FRMPD1: variants seen among roughly 807,000 people sequenced by gnomAD.
The protein encoded by FRMPD1 is FERM and PDZ domain-containing protein 1.
FRMPD1 carries 76 observed loss-of-function variants against 117.8 expected under a neutral mutation model. That is an observed-to-expected ratio of 0.65 (90% CI 0.54 to 0.78). The LOEUF (loss-of-function observed/expected upper bound fraction) is 0.78. FRMPD1 is among the 30% of genes least tolerant of loss of function. The probability of loss-of-function intolerance (pLI) is 0.00; values close to 1 mark genes in which losing one functional copy is unlikely to be tolerated. For missense variants in FRMPD1, 1,786 were observed against 1,964.5 expected (o/e 0.91, Z 1.72); for synonymous variants, 783 against 770.4 (o/e 1.02, Z -0.27).
At chr9:37,652,940 T>G (rs544480179) in intron 1 of FRMPD1, among the ~76,000 whole-genome samples, 1 of 151,792 alleles carries the variant, frequency 6.6e-6, no homozygotes, top group South Asian at 2.1e-4. Flanking sequence ...CAATGGAAGG[T>G]GGAGGAAGAA....
At chr9:37,682,065 C>T in intron 1 of FRMPD1, among the ~76,000 whole-genome samples, 1 of 152,082 alleles carries the variant, frequency 6.6e-6, no homozygotes, top group East Asian at 1.9e-4. Context: ...TTGAATAAGT[C>T]CTAGAAAGTG....
intron 15 of FRMPD1, among the ~76,000 whole-genome samples, chr9:37,743,799 G>A (rs775454881): frequency 1.3e-5 from 2 of 151,618 alleles, no homozygotes; most frequent in African/African-American, 2.4e-5. Flanking sequence ...TTGGGAGGCT[G>A]AGGTGGGAGG....
chr9:37,677,979 C>T (rs533773635), intron 1 of FRMPD1, among the ~76,000 whole-genome samples: 1 of 152,244 alleles, frequency 6.6e-6, no homozygotes, highest in East Asian at 1.9e-4. Flanking sequence ...TGTTGATGAT[C>T]ATTGAGTGTT....
the FRMPD1 span, among the ~76,000 whole-genome samples, chr9:37,633,272 C>T: frequency 6.6e-6 from 1 of 152,074 alleles, no homozygotes; most frequent in Non-Finnish European, 1.5e-5. Context: ...AACTCTTGAT[C>T]TCAAGTGATT....
At chr9:37,686,371 A>AG (rs1489271903) in intron 1 of FRMPD1, among the ~76,000 whole-genome samples, 1 of 152,250 alleles carries the variant, frequency 6.6e-6, no homozygotes, top group Non-Finnish European at 1.5e-5. Flanking sequence ...TGGGTCCAAC[A>AG]GGGAATGACA....
intron 2 of FRMPD1, among the ~76,000 whole-genome samples, chr9:37,707,147 C>CT (rs1822737400): frequency 6.6e-6 from 1 of 152,184 alleles, no homozygotes; most frequent in African/African-American, 2.4e-5. Flanking sequence ...GGTGAAACTG[C>CT]TCTCCCCCTT....
At chr9:37,653,361 G>A (rs1226151954) in intron 1 of FRMPD1, among the ~76,000 whole-genome samples, 1 of 152,226 alleles carries the variant, frequency 6.6e-6, no homozygotes, top group East Asian at 1.9e-4. Context: ...CACCATTGGA[G>A]TAAATAGTGC....
chr9:37,684,655 GGAGAT>G (rs1194661769), intron 1 of FRMPD1, among the ~76,000 whole-genome samples: 2 of 152,170 alleles, frequency 1.3e-5, no homozygotes, highest in African/African-American at 4.8e-5. Context: ...AGAAAGGAGA[GGAGAT>G]GAGAGATTAA....
chr9:37,727,153 G>T (rs1437210254), intron 7 of FRMPD1, among the ~76,000 whole-genome samples: 2 of 152,122 alleles, frequency 1.3e-5, no homozygotes, highest in Non-Finnish European at 2.9e-5. Context: ...TACCTTGAGA[G>T]TCTTGAATAT....
rs754137925 is a variant in FRMPD1 at position 37,744,618 on chromosome 9, T to C, written c.2586T>C (p.Ser862=). 8 of 1,613,784 alleles carry C rather than the reference T, an allele frequency of 5.0e-6. No homozygotes were observed. The East Asian group carries it at 8.9e-5, about 18-fold the overall frequency. ...TGGTGCCATCAGCCTCCCTGGAGAG[T>C]GTAGACGACGTGTGCTACTATGACA... is the stretch of plus-strand genomic sequence containing the variant. ...FPLVPSASLE[S]VDDVCYYDRE... The change falls in exon 16 of 16, where the codon AGT becomes AGC. Residue 862 remains serine (S), a synonymous_variant. Transcript: ENST00000377765.
chr9:37,650,001 T>TA (rs1820616782), upstream of FRMPD1, among the ~76,000 whole-genome samples: 1 of 152,142 alleles, frequency 6.6e-6, no homozygotes, highest in African/African-American at 2.4e-5. Context: ...AGGCCTTCAC[T>TA]CAGTCAGTGC....
At chr9:37,686,271 G>A (rs1821938923) in intron 1 of FRMPD1, among the ~76,000 whole-genome samples, 2 of 152,216 alleles carry the variant, frequency 1.3e-5, no homozygotes, top group Non-Finnish European at 2.9e-5. Context: ...GTGGTGGTAG[G>A]AGTGGCCAGA....
intron 1 of FRMPD1, among the ~76,000 whole-genome samples, chr9:37,679,167 G>T (rs775020654): frequency 3.9e-5 from 6 of 152,236 alleles, no homozygotes; most frequent in African/African-American, 7.2e-5. Context: ...CCAGATGTTT[G>T]TTGGGTGACA....
the FRMPD1 span, among the ~76,000 whole-genome samples, chr9:37,617,234 G>A: frequency 1.3e-5 from 2 of 152,146 alleles, no homozygotes; most frequent in East Asian, 1.9e-4. Context: ...ATGCCATGAC[G>A]ACAAACATTC....
At chr9:37,614,578 T>C in the FRMPD1 span, among the ~76,000 whole-genome samples, 1 of 152,216 alleles carries the variant, frequency 6.6e-6, no homozygotes, top group Non-Finnish European at 1.5e-5. Context: ...ATTACCTTAA[T>C]GAAGTTACAG....
chr9:37,631,229 A>G, the FRMPD1 span, among the ~76,000 whole-genome samples: 38 of 152,348 alleles, frequency 2.5e-4, no homozygotes, highest in African/African-American at 6.3e-4. Flanking sequence ...AAACAAAATA[A>G]CAAACTAAAA....
chr9:37,693,239 T>G, intron 2 of FRMPD1: 1 of 154,862 alleles, frequency 6.5e-6, no homozygotes, highest in Admixed American at 6.3e-5. Context: ...CCAGCAGCTG[T>G]TCCTTCCTTG....
Position 37,744,392 on chromosome 9 carries a change from C to T in FRMPD1, c.2360C>T (p.Pro787Leu). The T allele has an allele frequency of 6.3e-7, 1 of 1,585,798 alleles. No individual in the cohort carries two copies. The highest frequency in any genetic ancestry group is 8.6e-7 in the Non-Finnish European group (1 of 1,166,144). ...TTTTTTCTTTCCTGACTCCCAGGGC[C>T]CAGAGATGTTTCTACTGCAGAACCC... The part of the protein sequence containing the change: ...KLTPPGPPSG[P>L]RDVSTAEPSA... Residue 787 changes from proline (P) to leucine (L), a missense_variant, in exon 16 of 16, where the codon CCC (proline) becomes CTC (leucine). Physicochemically the swap from Pro to Leu is moderately conservative, Grantham distance 98. Transcript: ENST00000377765.
intron 1 of FRMPD1, among the ~76,000 whole-genome samples, chr9:37,669,325 G>C (rs1366165734): frequency 1.3e-5 from 2 of 152,194 alleles, no homozygotes; most frequent in African/African-American, 4.8e-5. Flanking sequence ...GATTCTTCAA[G>C]TATGGTCCCC....
Sources: gnomAD v4.1 joint callset for allele counts (sites outside exome capture counted in the v4.1 genomes callset) on GRCh38, gnomAD v4.1.1 for gene constraint, MANE v1.5 for transcripts, NCBI Gene and HGNC (gene_info 2026-07-23, HGNC 2026-07-21) for gene names.